Variants in ZBTB46 observed in about 807,000 individuals in gnomAD.
ZBTB46 encodes zinc finger and BTB domain-containing protein 46.
In ZBTB46, 8 loss-of-function variants were observed where a neutral mutation model predicts 44.1. That is an observed-to-expected ratio of 0.18 (90% confidence interval 0.11 to 0.33). The LOEUF (loss-of-function observed/expected upper bound fraction) is 0.33, where lower values mean the gene tolerates loss of function less well. ZBTB46 is among the 10% of genes least tolerant of loss of function. The pLI is 1.00. For synonymous variants in ZBTB46, 409 were observed against 382.3 expected, an observed-to-expected ratio of 1.07 and a Z score of -0.81; for missense variants, 651 against 847.7, an observed-to-expected ratio of 0.77 and a Z score of 2.88.
At chr20:63,799,771 C>G (rs1474022558) in intron 1 of ZBTB46, among the ~76,000 whole-genome samples, 1 of 152,216 alleles carries the variant, frequency 6.6e-6, no homozygotes, top group African/African-American at 2.4e-5. Context: ...GGAACCACAG[C>G]AAGCTCCCCC....
intron 1 of ZBTB46, among the ~76,000 whole-genome samples, chr20:63,829,420 G>A (rs955499700): frequency 3.9e-5 from 6 of 152,252 alleles, no homozygotes; most frequent in African/African-American, 1.4e-4. Flanking sequence ...AAGGCAAGGC[G>A]GAATTTCGGA....
At chr20:63,829,630 G>A (rs1349167725) in intron 1 of ZBTB46, among the ~76,000 whole-genome samples, 1 of 152,202 alleles carries the variant, frequency 6.6e-6, no homozygotes, top group African/African-American at 2.4e-5. Flanking sequence ...ACCAGGCTGA[G>A]GTGCCCAAAA....
chr20:63,746,965 C>T lies in ZBTB46; in HGVS notation c.1735G>A (p.Gly579Arg). Reference sequence around the variant, plus strand: ...CAGGCGAAGTCCTTGTCAGGGCCTCCTGGGGGGCTGCGCGGCCGCGGCGAG... The same window carrying T: ...CAGGCGAAGTCCTTGTCAGGGCCTCTTGGGGGGCTGCGCGGCCGCGGCGAG... ...EDSPRPRSPPGGPDKDFAWLS is the reference protein window; with the variant it reads ...EDSPRPRSPPRGPDKDFAWLS The change falls in exon 5 of 5, where the codon GGA becomes AGA. Residue 579 changes from glycine (G) to arginine (R), a missense_variant. This residue lies in a region of ZBTB46 where 106 missense variants were observed against 81.0 expected (regional missense o/e 1.31). Transcript: ENST00000245663. 1 of 1,594,890 alleles carries T rather than the reference C, an allele frequency of 6.3e-7. No homozygotes were observed.
intron 2 of ZBTB46, among the ~76,000 whole-genome samples, chr20:63,780,134 G>A (rs897886974): frequency 8.6e-5 from 13 of 151,792 alleles, no homozygotes; most frequent in Non-Finnish European, 1.3e-4. Flanking sequence ...AGCTAGGCAT[G>A]GCGGTGCGTG....
intron 4 of ZBTB46, 128 bp from the exon 5 acceptor site, chr20:63,747,429 G>C (rs1334493648): frequency 2.7e-5 from 6 of 219,582 alleles, no homozygotes; most frequent in African/African-American, 1.9e-4. Context: ...GGAAGAGGGG[G>C]CAGGGGGTGA....
At position 63,823,696 on chromosome 20, in the gene ZBTB46, T is replaced by G. The variant is rs541474552; in HGVS notation, c.-34+7401A>C. ...CTGGGCAACAGAACGAGGCCCCTTC[T>G]CAAAAAAAAATTAAATAATTCAGAC... On this transcript the variant is annotated intron_variant, in intron 1 of 4. Transcript: ENST00000245663. Among the ~76,000 whole-genome samples, 237 of 151,852 alleles carry G rather than the reference T, an allele frequency of 1.6e-3. 3 individuals are homozygous for G. The highest frequency in any genetic ancestry group is 2.8e-3 in the Non-Finnish European group (188 of 67,930).
At chr20:63,798,064 C>G (rs1054975087) in intron 1 of ZBTB46, among the ~76,000 whole-genome samples, 13 of 152,184 alleles carry the variant, frequency 8.5e-5, no homozygotes, top group Admixed American at 8.5e-4. Context: ...GACATGAAGT[C>G]CTTGCCCATG....
rs904857847 is a variant in ZBTB46, at chr20:63,744,540, ATATT to A, written c.*2386_*2389del. The A allele has an allele frequency of 2.6e-5, 4 of 152,484 alleles. No individual in the cohort carries two copies. The highest frequency in any genetic ancestry group is 1.9e-4 in the East Asian group (1 of 5,314). 9.4% of individuals were successfully genotyped at this position (152,484 alleles called of 1,614,324 possible). A position where few individuals can be genotyped will look rare whatever the true frequency, so the allele number is the denominator to read the frequency against. ...ACACATTTTTCCTCTTCATAAAAAA[ATATT>A]TATTAGTTTGAACATCGATTTAAAA... On this transcript the variant is annotated 3_prime_UTR_variant, in exon 5 of 5. Coordinates refer to ENST00000245663, the MANE Select transcript of ZBTB46 (RefSeq NM_001369741.1).
intron 1 of ZBTB46, among the ~76,000 whole-genome samples, chr20:63,829,981 C>T (rs1175932700): frequency 1.3e-5 from 2 of 152,242 alleles, no homozygotes; most frequent in Admixed American, 1.3e-4. Context: ...ATTAGCATTT[C>T]TTTAAACAAT....
chr20:63,818,354 G>A (rs1469449289), intron 1 of ZBTB46, among the ~76,000 whole-genome samples: 1 of 152,216 alleles, frequency 6.6e-6, no homozygotes, highest in African/African-American at 2.4e-5. Context: ...CCCTCCAGCT[G>A]GGCTGCGTAA....
chr20:63,803,588 T>C lies in ZBTB46; in HGVS notation c.-33-12798A>G. The stretch of plus-strand genomic sequence containing the variant: ...AGGCCCCGGGCTGCCCAGGTCTCTG[T>C]CGGAGGCCCTGCCAGCCCCGCCCCT... On this transcript the variant is annotated intron_variant, in intron 1 of 4. Transcript: ENST00000245663. This position sits in a 1 kb window ranked among gnomAD's most constrained non-coding sequence, Gnocchi z 4.0. The C allele has an allele frequency of 1.1e-6, 1 of 944,018 alleles. No individual in the cohort carries two copies. Among genetic ancestry groups the C allele is most frequent in the Non-Finnish European group, 1.3e-6 (1 of 792,464 alleles). The allele number at this position is 944,018 out of a possible 1,614,324, so 58.5% of individuals were successfully genotyped here.
At chr20:63,813,460 T>TAA (rs1440306643) in intron 1 of ZBTB46, among the ~76,000 whole-genome samples, 1 of 140,934 alleles carries the variant, frequency 7.1e-6, no homozygotes, top group Admixed American at 7.0e-5. Flanking sequence ...AAAAAAAAAA[T>TAA]AAATAAATAA....
chr20:63,806,407 C>CAAAAAAAAAAA (rs58233169), intron 1 of ZBTB46, among the ~76,000 whole-genome samples: 3 of 91,452 alleles, frequency 3.3e-5, no homozygotes, highest in African/African-American at 8.1e-5. Flanking sequence ...AACTCCATCT[C>CAAAAAAAAAAA]AAAAAAAAAA....
chr20:63,815,926 GGTGCAGTGGGTGCAGGTACA>G (rs2092751487), intron 1 of ZBTB46, among the ~76,000 whole-genome samples: 7 of 149,632 alleles, frequency 4.7e-5, no homozygotes, highest in Non-Finnish European at 8.9e-5. Flanking sequence ...GGTGGGCACA[GGTGCAGTGGGTGCAGGTACA>G]GTGGGCACAG....
chr20:63,774,697 TG>T (rs201510212), intron 3 of ZBTB46, among the ~76,000 whole-genome samples: 67,362 of 116,690 alleles, frequency 0.58, 18,666 homozygotes, highest in South Asian at 0.64. Context: ...GGGTTTTTTT[TG>T]TTTTTTTTTT....
chr20:63,816,016 AGTGGGCGCAGGTGGGCACAGGTGCG>A (rs2092753428), intron 1 of ZBTB46, among the ~76,000 whole-genome samples: 3 of 135,158 alleles, frequency 2.2e-5, no homozygotes, highest in African/African-American at 8.8e-5. Flanking sequence ...GCACAGGTGC[AGTGGGCGCAGGTGGGCACAGGTGCG>A]GTGGGTGCAG....
chr20:63,828,261 C>A lies in ZBTB46; in HGVS notation c.-34+2836G>T, dbSNP rs115143217. On this transcript the variant is annotated intron_variant, in intron 1 of 4. Transcript: ENST00000245663. ...AAAGCAGGAAAATCCCTCCCATGGA[C>A]CCCATGGCCTAAGACCCCAGCACTC... Among the ~76,000 whole-genome samples the A allele has an allele frequency of 3.0e-3, 461 of 152,386 alleles. 6 individuals are homozygous for A. Among genetic ancestry groups the A allele is most frequent in the African/African-American group, 0.011 (438 of 41,602 alleles).
intron 1 of ZBTB46, among the ~76,000 whole-genome samples, chr20:63,802,933 G>A (rs1244022505): frequency 6.6e-6 from 1 of 152,206 alleles, no homozygotes; most frequent in Middle Eastern, 3.2e-3. Context: ...GGACTGGAGG[G>A]AACAGATGTC....
intron 1 of ZBTB46, among the ~76,000 whole-genome samples, chr20:63,814,683 C>T (rs2092738054): frequency 6.6e-6 from 1 of 152,208 alleles, no homozygotes; most frequent in South Asian, 2.1e-4. Context: ...AAGCCACAGA[C>T]ACAGCCATGT....
Sources: allele counts gnomAD v4.1 joint callset (sites outside exome capture counted in the v4.1 genomes callset), GRCh38; gene constraint gnomAD v4.1.1; regional missense constraint gnomAD v4.1.1; non-coding constraint Gnocchi (gnomAD v3.1); transcripts MANE v1.5; gene names NCBI Gene and HGNC (gene_info 2026-07-23, HGNC 2026-07-21).